TMTC2: variants seen among roughly 807,000 people sequenced by gnomAD.
The protein encoded by TMTC2 is transmembrane O-mannosyltransferase targeting cadherins 2.
In TMTC2, 43 loss-of-function variants were observed where a neutral mutation model predicts 82.4. The ratio of observed to expected loss-of-function variants is 0.52; its 90% CI spans 0.41 to 0.67. The LOEUF (loss-of-function observed/expected upper bound fraction) is 0.67. Among genes scored for constraint, TMTC2 ranks in the 30% least tolerant of loss-of-function variants. TMTC2 has a pLI of 0.00. For synonymous variants in TMTC2, 408 were observed against 381.9 expected (o/e 1.07, Z -0.80); for missense variants, 919 against 1,012.4 (o/e 0.91, Z 1.25).
At position 83,132,443 on chromosome 12, in the gene TMTC2, A is replaced by G. The variant is rs1266631158; in HGVS notation, c.*54A>G. ...ATTTTTAAAAGCTGGCTTCCTTAGC[A>G]GACAGAACTTCCCAGCAGTGCTATG... On this transcript the variant is annotated 3_prime_UTR_variant, in exon 12 of 12. Transcript: ENST00000321196. The G allele has an allele frequency of 6.3e-7, 1 of 1,594,910 alleles. No homozygotes were observed. Among genetic ancestry groups the G allele is most frequent in the Admixed American group, 1.7e-5 (1 of 58,104 alleles).
At chr12:82,958,844 G>C (rs1161280170) in intron 4 of TMTC2, among the ~76,000 whole-genome samples, 1 of 152,018 alleles carries the variant, frequency 6.6e-6, no homozygotes, top group Non-Finnish European at 1.5e-5. Context: ...AGTTAGGCAA[G>C]AGAAAGAAAT....
chr12:83,069,854 T>A (rs919749073), intron 11 of TMTC2, among the ~76,000 whole-genome samples: 5 of 152,028 alleles, frequency 3.3e-5, no homozygotes, highest in Admixed American at 3.3e-4. Flanking sequence ...CCATCTTGAG[T>A]AGATTTTTGG....
intron 3 of TMTC2, among the ~76,000 whole-genome samples, chr12:82,912,230 A>G (rs748440075): frequency 6.6e-6 from 1 of 152,218 alleles, no homozygotes; most frequent in African/African-American, 2.4e-5. Context: ...TAGAAATGTA[A>G]TATATCAGCT....
intron 1 of TMTC2, among the ~76,000 whole-genome samples, chr12:82,750,116 G>A (rs1049122422): frequency 1.3e-5 from 2 of 151,974 alleles, no homozygotes; most frequent in Non-Finnish European, 2.9e-5. Flanking sequence ...TAGCCAATTC[G>A]GATATTTCTG....
chr12:82,935,414 C>G (rs1412566009), intron 4 of TMTC2, among the ~76,000 whole-genome samples: 9 of 151,898 alleles, frequency 5.9e-5, no homozygotes. Flanking sequence ...TTATTAAGAC[C>G]AGGTTTAACA....
intron 9 of TMTC2, among the ~76,000 whole-genome samples, chr12:83,042,684 A>G (rs980290848): frequency 1.3e-5 from 2 of 152,120 alleles, no homozygotes; most frequent in East Asian, 1.9e-4. Context: ...TAACTCCCTC[A>G]GTGGTTTTCT....
chr12:82,818,077 G>A (rs1868855038), intron 1 of TMTC2, among the ~76,000 whole-genome samples: 1 of 151,960 alleles, frequency 6.6e-6, no homozygotes, highest in Non-Finnish European at 1.5e-5. Context: ...TTATCATTTA[G>A]TGCTATATCT....
At chr12:82,769,730 C>T (rs1038276963) in intron 1 of TMTC2, among the ~76,000 whole-genome samples, 5 of 152,102 alleles carry the variant, frequency 3.3e-5, no homozygotes, top group African/African-American at 1.2e-4. Context: ...CCTACCTCAG[C>T]CTCCTGTGTA....
intron 1 of TMTC2, among the ~76,000 whole-genome samples, chr12:82,810,466 G>T (rs1375321404): frequency 6.6e-6 from 1 of 151,114 alleles, no homozygotes; most frequent in Non-Finnish European, 1.5e-5. Context: ...ATTTTTAACA[G>T]AATTATTAGA....
chr12:83,100,832 C>A (rs73135807), intron 11 of TMTC2, among the ~76,000 whole-genome samples: 8,106 of 152,166 alleles, frequency 0.053, 277 homozygotes, highest in Middle Eastern at 0.11. Flanking sequence ...ATTTATAAGA[C>A]CTGATAAACA....
intron 7 of TMTC2, among the ~76,000 whole-genome samples, chr12:82,984,787 A>C (rs1330219470): frequency 1.3e-5 from 2 of 152,138 alleles, no homozygotes; most frequent in Non-Finnish European, 2.9e-5. Context: ...ATAATCACAT[A>C]AGGGAAAGGG....
intron 8 of TMTC2, among the ~76,000 whole-genome samples, chr12:83,025,695 C>T (rs1881137464): frequency 1.3e-5 from 2 of 152,162 alleles, no homozygotes; most frequent in African/African-American, 4.8e-5. Flanking sequence ...TTCCAGGTTA[C>T]CCACAAACTT....
At chr12:82,751,188 A>G (rs900846513) in intron 1 of TMTC2, among the ~76,000 whole-genome samples, 1 of 152,182 alleles carries the variant, frequency 6.6e-6, no homozygotes, top group Non-Finnish European at 1.5e-5. Flanking sequence ...ACATATACAC[A>G]ATGGAATACT....
intron 8 of TMTC2, among the ~76,000 whole-genome samples, chr12:82,997,414 A>ATATATATATATG (rs1565845349): frequency 3.3e-5 from 1 of 29,948 alleles, no homozygotes; most frequent in South Asian, 3.3e-3. Context: ...ATATATGTGT[A>ATATATATATATG]TATATATATA....
chr12:82,768,296 T>A (rs1275943290), intron 1 of TMTC2, among the ~76,000 whole-genome samples: 1 of 152,218 alleles, frequency 6.6e-6, no homozygotes, highest in Non-Finnish European at 1.5e-5. Flanking sequence ...GTGTTTTTGC[T>A]TTGATCGTAA....
intron 2 of TMTC2, among the ~76,000 whole-genome samples, chr12:82,858,697 T>C (rs916854268): frequency 2.0e-5 from 3 of 152,112 alleles, no homozygotes; most frequent in Non-Finnish European, 4.4e-5. Flanking sequence ...GTGCTTTTTC[T>C]CTGCTGGAAA....
At chr12:83,046,990 G>A (rs1207884030) in intron 9 of TMTC2, among the ~76,000 whole-genome samples, 1 of 152,152 alleles carries the variant, frequency 6.6e-6, no homozygotes, top group Non-Finnish European at 1.5e-5. Flanking sequence ...GGTCTAAGAA[G>A]GCGTCACTAA....
At chr12:83,020,909 C>G (rs561105059) in intron 8 of TMTC2, among the ~76,000 whole-genome samples, 1 of 152,120 alleles carries the variant, frequency 6.6e-6, no homozygotes, top group Non-Finnish European at 1.5e-5. Flanking sequence ...GTGTTTATAC[C>G]TTAAAATCTA....
At chr12:82,760,067 T>C (rs1444808467) in intron 1 of TMTC2, 2 of 152,226 alleles carry the variant, frequency 1.3e-5, no homozygotes, top group African/African-American at 4.8e-5. Flanking sequence ...TTAATTTCTT[T>C]GTTATTCAAG....
Sources: gnomAD v4.1 joint callset for allele counts (sites outside exome capture counted in the v4.1 genomes callset) on GRCh38, gnomAD v4.1.1 for gene constraint, MANE v1.5 for transcripts, NCBI Gene and HGNC (gene_info 2026-07-23, HGNC 2026-07-21) for gene names.